Variants in DCHS2 observed in about 807,000 individuals in gnomAD.
The protein encoded by DCHS2 is dachsous cadherin-related 2, also known as protocadherin-23.
Under a neutral mutation model 182.4 loss-of-function variants are expected in DCHS2, and 142 were observed. The observed-to-expected ratio is 0.78, with a 90% CI of 0.68 to 0.89. DCHS2 has a LOEUF of 0.89. Ranked by LOEUF, DCHS2 falls within the 40% of genes least tolerant of loss-of-function variation. The pLI, the probability that DCHS2 is intolerant of heterozygous loss-of-function variation, is 0.00. For missense variants in DCHS2, 4,319 were observed against 4,198.6 expected, an observed-to-expected ratio of 1.03 and a Z score of -0.79; for synonymous variants, 1,740 against 1,663.3, an observed-to-expected ratio of 1.05 and a Z score of -1.12.
rs537916408 is a variant in DCHS2 at position 154,453,767 on chromosome 4, C to T, written c.2052+35537G>A. Among the ~76,000 whole-genome samples the T allele has an allele frequency of 2.3e-4, 35 of 152,176 alleles. 1 individual carries two copies. Among genetic ancestry groups the T allele is most frequent in the Non-Finnish European group, 4.0e-4 (27 of 68,044 alleles). ...TTGTCCCTGTGTCCTTCACAAACTT[C>T]CCTCCCAATGAATCTCTTGCCTATC... On this transcript the variant is annotated intron_variant, in intron 1 of 19. Transcript: ENST00000357232.
Position 154,333,291 on chromosome 4 carries a change from T to C in DCHS2, c.2917A>G (p.Asn973Asp), listed in dbSNP as rs1476988987. The C allele has an allele frequency of 2.5e-6, 4 of 1,614,098 alleles. No individual in the cohort carries two copies. The highest frequency in any genetic ancestry group is 3.4e-6 in the Non-Finnish European group (4 of 1,180,038). The part of the protein sequence containing the change: ...TEVNITVMDV[N>D]DNHPAFLRTS... ...CTGAGGAACGCTGGGTGGTTGTCAT[T>C]GACATCCATGACTGTTATGTTGACC... is the stretch of plus-strand genomic sequence containing the variant. Residue 973 changes from asparagine to aspartate, a missense_variant, in exon 5 of 20, where the codon AAT becomes GAT. Coordinates refer to ENST00000357232, the MANE Select transcript of DCHS2 (RefSeq NM_001358235.2).
chr4:154,301,505 T>C (rs1019338459), intron 12 of DCHS2, among the ~76,000 whole-genome samples: 2 of 152,012 alleles, frequency 1.3e-5, no homozygotes, highest in Admixed American at 1.3e-4. Context: ...TATTTATTTA[T>C]TTTTATTTTT....
intron 13 of DCHS2, among the ~76,000 whole-genome samples, chr4:154,279,464 A>G (rs1734021299): frequency 1.3e-5 from 2 of 151,958 alleles, no homozygotes; most frequent in African/African-American, 4.8e-5. Context: ...TACTTTTATC[A>G]GGAAAAATTG....
In DCHS2 at chr4:154,300,040, G is replaced by A. The variant is rs1735134156; in HGVS notation, c.5606-1332C>T. Among the ~76,000 whole-genome samples, 2 of 152,154 alleles carry A rather than the reference G, an allele frequency of 1.3e-5. 1 individual carries two copies. Among genetic ancestry groups the A allele is most frequent in the South Asian group, 4.1e-4 (2 of 4,832 alleles). The stretch of plus-strand genomic sequence containing the variant: ...AAATCTCACTCCTAAAGTGGAGAAA[G>A]CCATACTACAAGTTTTGGGGAGAGT... On this transcript the variant is annotated intron_variant, in intron 12 of 19. Coordinates refer to ENST00000357232, the MANE Select transcript of DCHS2 (RefSeq NM_001358235.2).
chr4:154,233,924 C>T lies in DCHS2; in HGVS notation c.*612G>A, dbSNP rs1731313061. 6.6e-6 allele frequency: 1 copy of T among 152,022 alleles called. No homozygotes were observed. The highest frequency in any genetic ancestry group is 1.9e-4 in the East Asian group (1 of 5,198). 9.4% of individuals were successfully genotyped at this position (152,022 alleles called of 1,614,324 possible). On this transcript the variant is annotated 3_prime_UTR_variant, in exon 20 of 20. Coordinates refer to ENST00000357232, the MANE Select transcript of DCHS2 (RefSeq NM_001358235.2). Reference sequence around the variant, plus strand: ...TTGTCACAGAGTTATGACAAATTTCCTTCTGAATTTTTTATTAGTTTTCCA... The same window carrying T: ...TTGTCACAGAGTTATGACAAATTTCTTTCTGAATTTTTTATTAGTTTTCCA...
intron 1 of DCHS2, among the ~76,000 whole-genome samples, chr4:154,417,392 A>T (rs2110906594): frequency 6.6e-6 from 1 of 152,272 alleles, no homozygotes; most frequent in Admixed American, 6.5e-5. Flanking sequence ...AACTATTTCC[A>T]TTTAAGCCAA....
rs979975832 is a variant in DCHS2, at chr4:154,236,770, T to G, written c.7882A>C (p.Ser2628Arg). ...AGAATGACAAGCTCATGGCTAGCAC[T>G]TGCTTCTCTGTCCAGACTGTGAAGC... is the stretch of plus-strand genomic sequence containing the variant. ...VLLHSLDREA[S>R]ASHELVILAS... The change falls in exon 20 of 20, where the codon AGT becomes CGT. Residue 2628 changes from serine (S) to arginine (R), a missense_variant. Transcript: ENST00000357232. 2 of 1,614,026 alleles carry G rather than the reference T, an allele frequency of 1.2e-6. No individual in the cohort carries two copies. The highest frequency in any genetic ancestry group is 3.3e-5 in the Admixed American group (2 of 60,008).
chr4:154,491,101 G>A lies in DCHS2; in HGVS notation c.255C>T (p.Asp85=). ...EGLPPDTLVG[D]IRAGLPAAQQ... is the part of the protein sequence containing the mutation. ...GCGCGGCCGGCAGCCCGGCGCGGATGTCACCTACCAGCGTGTCCGGGGGAA... is the reference window on the plus strand; with the variant it reads ...GCGCGGCCGGCAGCCCGGCGCGGATATCACCTACCAGCGTGTCCGGGGGAA... The change falls in exon 1 of 20, where the codon GAC becomes GAT. Residue 85 remains aspartate, a synonymous_variant. Coordinates refer to ENST00000357232, the MANE Select transcript of DCHS2 (RefSeq NM_001358235.2). The A allele has an allele frequency of 2.6e-6, 4 of 1,551,384 alleles. No individual in the cohort carries two copies. The highest frequency in any genetic ancestry group is 3.5e-6 in the Non-Finnish European group (4 of 1,146,954).
chr4:154,294,970 C>T (rs199734481), intron 13 of DCHS2, among the ~76,000 whole-genome samples: 2 of 152,230 alleles, frequency 1.3e-5, no homozygotes, highest in South Asian at 4.1e-4. Flanking sequence ...TCTTTTATTC[C>T]TAGAAAGAGA....
At position 154,428,010 on chromosome 4, in the gene DCHS2, T is replaced by G. The variant is rs1379581275; in HGVS notation, c.2053-50566A>C. On this transcript the variant is annotated intron_variant, in intron 1 of 19. Coordinates refer to ENST00000357232, the MANE Select transcript of DCHS2 (RefSeq NM_001358235.2). ...ATGAAGGCAGTCTGGAGATGCGGTC[T>G]GGAGCCATGCCATGTGGTTCTTTGA... Among the ~76,000 whole-genome samples the G allele has an allele frequency of 2.0e-5, 3 of 152,206 alleles. No homozygotes were observed. The East Asian group carries it at 5.8e-4, about 29-fold the overall frequency.
Position 154,315,854 on chromosome 4 carries a change from A to G in DCHS2, c.5154T>C (p.Asn1718=), listed in dbSNP as rs780525258. Reference sequence around the variant, plus strand: ...GCTGCTTAAATACTGGAGCTTCATCATTTACATCAAGAACAGTAACTGTCA... The same window carrying G: ...GCTGCTTAAATACTGGAGCTTCATCGTTTACATCAAGAACAGTAACTGTCA... ...QTLTVTVLDV[N]DEAPVFKQHL... Residue 1718 remains asparagine (N), a synonymous_variant, in exon 10 of 20, where the codon AAT becomes AAC. Coordinates refer to ENST00000357232, the MANE Select transcript of DCHS2 (RefSeq NM_001358235.2). 5 of 1,614,006 alleles carry G rather than the reference A, an allele frequency of 3.1e-6. No individual in the cohort carries two copies. The East Asian group carries it at 1.1e-4, about 36-fold the overall frequency.
intron 12 of DCHS2, among the ~76,000 whole-genome samples, chr4:154,302,547 C>T (rs1735229377): frequency 6.6e-6 from 1 of 152,154 alleles, no homozygotes; most frequent in African/African-American, 2.4e-5. Context: ...TTTGCTGTGT[C>T]ACCTTTTTAG....
chr4:154,258,173 G>T (rs1249571050), intron 15 of DCHS2, among the ~76,000 whole-genome samples: 3 of 152,116 alleles, frequency 2.0e-5, no homozygotes, highest in African/African-American at 7.2e-5. Context: ...TCTGGAACAG[G>T]CTGGTGACTA....
chr4:154,391,318 T>C (rs936963385), intron 1 of DCHS2: 3 of 1,565,344 alleles, frequency 1.9e-6, no homozygotes, highest in African/African-American at 2.7e-5. Flanking sequence ...ATCTCCTATA[T>C]GAGGGTAGCT....
intron 13 of DCHS2, among the ~76,000 whole-genome samples, chr4:154,281,301 C>T (rs1164809029): frequency 1.3e-5 from 2 of 152,042 alleles, no homozygotes; most frequent in Non-Finnish European, 2.9e-5. Flanking sequence ...AAAGATCCCA[C>T]AAGAAAAACT....
chr4:154,390,280 A>C (rs1336120851), intron 1 of DCHS2, among the ~76,000 whole-genome samples: 2 of 85,494 alleles, frequency 2.3e-5, no homozygotes, highest in East Asian at 7.6e-4. Flanking sequence ...CCCACCCCAC[A>C]ACAGTCCCCA....
Position 154,234,969 on chromosome 4 carries a change from C to G in DCHS2, c.9683G>C (p.Gly3228Ala). 6.2e-7 allele frequency: 1 copy of G among 1,614,056 alleles called. No individual in the cohort carries two copies. The highest frequency in any genetic ancestry group is 8.5e-7 in the Non-Finnish European group (1 of 1,179,972). The change falls in exon 20 of 20, where the codon GGA becomes GCA. Residue 3228 changes from glycine to alanine, a missense_variant. Physicochemically the swap from Gly to Ala is moderately conservative, Grantham distance 60. Transcript: ENST00000357232. ...LSTQTTSDHD[G>A]KDNYHWNYLL... Reference sequence around the variant, plus strand: ...ATAATTCCAGTGATAGTTGTCTTTTCCATCATGATCAGAGGTCGTCTGAGT... The same window carrying G: ...ATAATTCCAGTGATAGTTGTCTTTTGCATCATGATCAGAGGTCGTCTGAGT...
chr4:154,308,857 G>A (rs566072986), intron 10 of DCHS2, among the ~76,000 whole-genome samples: 33 of 152,194 alleles, frequency 2.2e-4, no homozygotes, highest in Non-Finnish European at 3.8e-4. Flanking sequence ...CAAGCTCGCA[G>A]TGACAATTCC....
chr4:154,415,423 C>T (rs977720310), intron 1 of DCHS2, among the ~76,000 whole-genome samples: 5 of 152,174 alleles, frequency 3.3e-5, no homozygotes, highest in African/African-American at 1.2e-4. Flanking sequence ...TTCTCAGTTG[C>T]CATGGATTTC....
Sources: allele counts gnomAD v4.1 joint callset (sites outside exome capture counted in the v4.1 genomes callset), GRCh38; gene constraint gnomAD v4.1.1; transcripts MANE v1.5; gene names NCBI Gene and HGNC (gene_info 2026-07-23, HGNC 2026-07-21).